The following LAMC3 variants were observed in gnomAD, a reference collection of about 807,000 sequenced individuals.
LAMC3 encodes laminin subunit gamma 3.
In LAMC3, 128 loss-of-function variants were observed where a neutral mutation model predicts 173.8. That is an observed-to-expected ratio of 0.74 (90% CI 0.64 to 0.85). The LOEUF is 0.85. Ranked by LOEUF, LAMC3 falls within the 40% of genes least tolerant of loss-of-function variation. LAMC3 has a pLI of 0.00. For synonymous variants in LAMC3, 897 were observed against 909.1 expected, an observed-to-expected ratio of 0.99 and a Z score of 0.24; for missense variants, 2,022 against 2,156.0, an observed-to-expected ratio of 0.94 and a Z score of 1.23.
At chr9:131,015,461 C>T (rs907759370) in intron 1 of LAMC3, among the ~76,000 whole-genome samples, 2 of 152,142 alleles carry the variant, frequency 1.3e-5, no homozygotes, top group African/African-American at 2.4e-5. Context: ...CAGCTCATGC[C>T]CTGGCTTTGC....
chr9:131,028,080 T>C (rs924770397), intron 2 of LAMC3, among the ~76,000 whole-genome samples: 23 of 152,150 alleles, frequency 1.5e-4, no homozygotes, highest in African/African-American at 5.6e-4. Flanking sequence ...CGCGGGCAGG[T>C]GAGCTTTCCT....
At chr9:131,039,310 C>T (rs1451073479) in intron 6 of LAMC3, 62 bp downstream of exon 6, 14 of 1,390,650 alleles carry the variant, frequency 1.0e-5, no homozygotes, top group South Asian at 6.9e-5. Flanking sequence ...GCAGGAGGAA[C>T]AGGCTGTCAG....
chr9:131,064,597 G>C (rs1365064099), intron 13 of LAMC3, among the ~76,000 whole-genome samples: 1 of 151,630 alleles, frequency 6.6e-6, no homozygotes, highest in African/African-American at 2.4e-5. Flanking sequence ...CCGGGGGGCG[G>C]AGCCTGCAGT....
intron 1 of LAMC3, among the ~76,000 whole-genome samples, chr9:131,012,790 A>G (rs1393496310): frequency 6.6e-6 from 1 of 151,990 alleles, no homozygotes; most frequent in Non-Finnish European, 1.5e-5. Flanking sequence ...GGGAAGGGAG[A>G]GTGGGCGGCC....
At chr9:131,070,218 G>A (rs761538015) in intron 17 of LAMC3, among the ~76,000 whole-genome samples, 11 of 152,328 alleles carry the variant, frequency 7.2e-5, no homozygotes, top group South Asian at 2.1e-4. Flanking sequence ...GCAGAAGTCC[G>A]GAGTTCAAGC....
rs1833363947 is a variant in LAMC3 at position 131,009,393 on chromosome 9, A to C, written c.179A>C (p.Asp60Ala). The change falls in exon 1 of 28, where the codon GAC (aspartate) becomes GCC (alanine). Residue 60 changes from aspartate to alanine, a missense_variant. Coordinates refer to ENST00000361069, the MANE Select transcript of LAMC3 (RefSeq NM_006059.4). The surrounding 1 kb of genome is among the most constrained non-coding windows in gnomAD (Gnocchi z 4.3). ...ASHTCGSPPE[D>A]FCPHVGAAGA... is the part of the protein sequence containing the mutation. Reference sequence around the variant, plus strand: ...CACACGTGCGGCAGCCCGCCCGAGGACTTCTGTCCCCACGTGGGCGCCGCG... The same window carrying C: ...CACACGTGCGGCAGCCCGCCCGAGGCCTTCTGTCCCCACGTGGGCGCCGCG... The C allele has an allele frequency of 6.5e-7, 1 of 1,532,854 alleles. No individual in the cohort carries two copies. Among genetic ancestry groups the C allele is most frequent in the Non-Finnish European group, 8.7e-7 (1 of 1,143,026 alleles). The allele number at this position is 1,532,854 out of a possible 1,614,324, so 95.0% of individuals were successfully genotyped here.
chr9:131,059,320 A>G (rs1367174160), intron 12 of LAMC3, among the ~76,000 whole-genome samples: 1 of 150,778 alleles, frequency 6.6e-6, no homozygotes, highest in East Asian at 2.0e-4. Flanking sequence ...GTGAAACCCC[A>G]TCTCTACTAA....
intron 8 of LAMC3, among the ~76,000 whole-genome samples, chr9:131,046,095 A>G (rs2133268617): frequency 6.6e-6 from 1 of 151,846 alleles, no homozygotes; most frequent in African/African-American, 2.4e-5. Flanking sequence ...TGATGAAGTA[A>G]CTGAGACCTA....
intron 24 of LAMC3, among the ~76,000 whole-genome samples, chr9:131,085,219 A>G (rs1830308830): frequency 6.6e-6 from 1 of 152,224 alleles, no homozygotes; most frequent in African/African-American, 2.4e-5. Context: ...AGACTGAGCC[A>G]TGGACTGTGC....
rs776256346 is a variant in LAMC3 at position 131,039,228 on chromosome 9, G to A, written c.1263G>A (p.Ser421=). The change falls in exon 6 of 28, where the codon TCG becomes TCA. Residue 421 remains serine, a synonymous_variant. Coordinates refer to ENST00000361069, the MANE Select transcript of LAMC3 (RefSeq NM_006059.4). ...ACCGCTGTCTGCCCGGGTTCCACTC[G>A]CTCAGTGAGGGAGGCTGCAGGTGAG... is the stretch of plus-strand genomic sequence containing the variant. The part of the protein sequence containing the change: ...KCDRCLPGFH[S]LSEGGCRPCT... 52 of 1,605,688 alleles carry A rather than the reference G, an allele frequency of 3.2e-5. No homozygotes were observed. In the Middle Eastern group the frequency reaches 4.9e-4, roughly 15 times the overall value.
At chr9:131,047,136 T>C (rs540047901) in intron 8 of LAMC3, among the ~76,000 whole-genome samples, 1 of 150,462 alleles carries the variant, frequency 6.6e-6, no homozygotes, top group South Asian at 2.1e-4. Flanking sequence ...GCGCAGGAGT[T>C]CTCAAAACTT....
At chr9:131,091,101 C>T (rs987938955) in intron 27 of LAMC3, among the ~76,000 whole-genome samples, 5 of 152,190 alleles carry the variant, frequency 3.3e-5, no homozygotes, top group Non-Finnish European at 7.3e-5. Context: ...CTGTGGTTTA[C>T]CCCAGTGATT....
At chr9:131,025,171 G>A (rs769416905) in intron 1 of LAMC3, among the ~76,000 whole-genome samples, 40 of 152,094 alleles carry the variant, frequency 2.6e-4, no homozygotes, top group Non-Finnish European at 8.8e-5. Context: ...CTCCCTCTCC[G>A]CCCGGCGCTC....
intron 24 of LAMC3, 88 bp downstream of exon 24, chr9:131,082,249 C>T: frequency 3.1e-6 from 3 of 958,256 alleles, no homozygotes; most frequent in South Asian, 1.4e-5. Flanking sequence ...GGCAGGCTTG[C>T]AGAGGACAGG....
intron 3 of LAMC3, among the ~76,000 whole-genome samples, chr9:131,032,492 C>T (rs1001485539): frequency 2.0e-5 from 3 of 149,480 alleles, no homozygotes; most frequent in Non-Finnish European, 4.5e-5. Context: ...CTCTCGCTCT[C>T]GCTCTCTCTC....
intron 14 of LAMC3, 104 bp downstream of exon 14, chr9:131,067,309 G>T: frequency 3.4e-6 from 5 of 1,455,712 alleles, no homozygotes; most frequent in Non-Finnish European, 3.8e-6. Flanking sequence ...ACCAGAACCA[G>T]CTGGCTCCTC....
chr9:131,060,045 A>C (rs1829777222), intron 12 of LAMC3, among the ~76,000 whole-genome samples: 1 of 152,146 alleles, frequency 6.6e-6, no homozygotes, highest in African/African-American at 2.4e-5. Context: ...CAAGCACCCC[A>C]GGCTCTGAGC....
In LAMC3 at chr9:131,081,457, CCCTCCCTT is replaced by C. The variant is rs1190849967; in HGVS notation, c.3928-598_3928-591del. 6.3e-5 allele frequency among the ~76,000 whole-genome samples: 9 copies of C among 143,000 alleles called. No individual in the cohort carries two copies. The East Asian group carries it at 9.0e-4, about 14-fold the overall frequency. The allele number at this position is 143,000 out of a possible 152,430, so 93.8% of individuals were successfully genotyped here. A position where few individuals can be genotyped will look rare whatever the true frequency, so the allele number is the denominator to read the frequency against. ...GTGTTCCCTCCCTCCCTCCCTCCCTCCCTCCCTTCCTTCCTTTCTTTCTCTCTCTTTTT... is the reference window on the plus strand; with the variant it reads ...GTGTTCCCTCCCTCCCTCCCTCCCTCCCTTCCTTTCTTTCTCTCTCTTTTT... On this transcript the variant is annotated intron_variant, in intron 23 of 27. Transcript: ENST00000361069.
In LAMC3 at chr9:131,080,271, C is replaced by T. The variant is rs1022315079; in HGVS notation, c.3927+973C>T. 116 of 149,952 alleles carry T rather than the reference C, an allele frequency of 7.7e-4. 6 individuals are homozygous for T. Among genetic ancestry groups the T allele is most frequent in the African/African-American group, 2.5e-5 (1 of 40,540 alleles). The allele number at this position is 149,952 out of a possible 1,614,324, so 9.3% of individuals were successfully genotyped here. Reference sequence around the variant, plus strand: ...GATTATAGGTGTAAGCCACCACACCCAGCCTCATTCCTTTTTTTTTTTTTT... The same window carrying T: ...GATTATAGGTGTAAGCCACCACACCTAGCCTCATTCCTTTTTTTTTTTTTT... On this transcript the variant is annotated intron_variant, in intron 23 of 27. Transcript: ENST00000361069.
Sources: allele counts gnomAD v4.1 joint callset (sites outside exome capture counted in the v4.1 genomes callset), GRCh38; gene constraint gnomAD v4.1.1; non-coding constraint Gnocchi (gnomAD v3.1); transcripts MANE v1.5; gene names NCBI Gene and HGNC (gene_info 2026-07-23, HGNC 2026-07-21).